FHDC1: variants seen among roughly 807,000 people sequenced by gnomAD.
FHDC1 encodes the protein FH2 domain-containing protein 1.
FHDC1 carries 25 observed loss-of-function variants against 52.6 expected under a neutral mutation model. That is an observed-to-expected ratio of 0.48 (90% CI 0.35 to 0.66). The LOEUF (loss-of-function observed/expected upper bound fraction) is 0.66, where lower values mean the gene tolerates loss of function less well. FHDC1 is among the 30% of genes least tolerant of loss of function. The pLI, the probability that FHDC1 is intolerant of heterozygous loss-of-function variation, is 0.01. For synonymous variants in FHDC1, 616 were observed against 581.5 expected, an observed-to-expected ratio of 1.06 and a Z score of -0.85; for missense variants, 1,459 against 1,452.8, an observed-to-expected ratio of 1.00 and a Z score of -0.07.
Position 152,976,217 on chromosome 4 carries a change from C to G in FHDC1, c.2926C>G (p.Gln976Glu). The G allele has an allele frequency of 6.2e-7, 1 of 1,612,978 alleles. No individual in the cohort carries two copies. The change falls in exon 12 of 12, where the codon CAG becomes GAG. Residue 976 changes from glutamine to glutamate, a missense_variant. This residue lies in a region of FHDC1 where 939 missense variants were observed against 854.5 expected (regional missense o/e 1.10). Transcript: ENST00000511601. ...CCGTCCGGGGAGGGACGTTCCCCTG[C>G]AGCCCAGGGGTTCTTTCAAGAAGCC... Reference protein sequence around the residue: ...STRPGRDVPLQPRGSFKKPSA... With the variant: ...STRPGRDVPLEPRGSFKKPSA...
At position 152,975,034 on chromosome 4, in the gene FHDC1, C is replaced by T; in HGVS notation, c.1743C>T (p.Pro581=). 1 of 1,612,604 alleles carries T rather than the reference C, an allele frequency of 6.2e-7. No homozygotes were observed. The highest frequency in any genetic ancestry group is 8.5e-7 in the Non-Finnish European group (1 of 1,179,796). The part of the protein sequence containing the change: ...LPRSSPRQAR[P]TIACLEPAEV... ...GGAGCAGCCCCCGGCAGGCCCGGCC[C>T]ACGATAGCCTGCCTGGAGCCTGCAG... is the stretch of plus-strand genomic sequence containing the variant. Residue 581 remains proline, a synonymous_variant, in exon 12 of 12, where the codon CCC becomes CCT. Coordinates refer to ENST00000511601, the MANE Select transcript of FHDC1 (RefSeq NM_001371116.1).
intron 10 of FHDC1, among the ~76,000 whole-genome samples, chr4:152,968,383 T>C (rs899983778): frequency 1.3e-5 from 2 of 152,084 alleles, no homozygotes; most frequent in East Asian, 3.9e-4. Flanking sequence ...TGGAGTATAA[T>C]GGTGCGATCT....
intron 2 of FHDC1, among the ~76,000 whole-genome samples, chr4:152,951,499 G>A (rs996708405): frequency 6.6e-6 from 1 of 152,042 alleles, no homozygotes; most frequent in African/African-American, 2.4e-5. Context: ...AAACCCCTAG[G>A]TTAGTAAATA....
the FHDC1 span, among the ~76,000 whole-genome samples, chr4:152,915,630 C>A: frequency 2.6e-5 from 4 of 152,014 alleles, no homozygotes; most frequent in Non-Finnish European, 5.9e-5. Flanking sequence ...TTTAAATAGC[C>A]GTTCTTCTGT....
Position 152,972,603 on chromosome 4 carries a change from C to G in FHDC1, c.1383+62C>G. On this transcript the variant is annotated intron_variant, in intron 11 of 11. Coordinates refer to ENST00000511601, the MANE Select transcript of FHDC1 (RefSeq NM_001371116.1). ...GATTTTTATTTTCCTTCTTCTCGAC[C>G]TAGTCATCTGCTCACCACAGAAAGG... The G allele has an allele frequency of 2.6e-6, 4 of 1,533,946 alleles. No individual in the cohort carries two copies. In the South Asian group the frequency reaches 5.2e-5, roughly 20 times the overall value.
At chr4:152,913,007 T>G in the FHDC1 span, among the ~76,000 whole-genome samples, 3 of 152,214 alleles carry the variant, frequency 2.0e-5, no homozygotes, top group African/African-American at 4.8e-5. Flanking sequence ...CACTTTTTTT[T>G]TAACAGATGA....
At chr4:152,946,163 T>A (rs1465872760) in intron 2 of FHDC1, among the ~76,000 whole-genome samples, 1 of 152,258 alleles carries the variant, frequency 6.6e-6, no homozygotes, top group Non-Finnish European at 1.5e-5. Flanking sequence ...TTTTGGCTTT[T>A]GTGAATAATG....
rs1579111076 is a variant in FHDC1, at chr4:152,977,832, T to C, written c.*1109T>C. 1.3e-5 allele frequency: 2 copies of C among 152,326 alleles called. No individual in the cohort carries two copies. Among genetic ancestry groups the C allele is most frequent in the African/African-American group, 4.8e-5 (2 of 41,570 alleles). 9.4% of individuals were successfully genotyped at this position (152,326 alleles called of 1,614,324 possible). ...GTTTCACCTGCCCACACAGGGTCCG[T>C]TGCTGGCAACTGGACTTCCCCATAA... On this transcript the variant is annotated 3_prime_UTR_variant, in exon 12 of 12. Coordinates refer to ENST00000511601, the MANE Select transcript of FHDC1 (RefSeq NM_001371116.1).
intron 4 of FHDC1, 111 bp downstream of exon 4, chr4:152,954,430 T>A: frequency 2.6e-6 from 2 of 771,862 alleles, no homozygotes; most frequent in South Asian, 1.7e-5. Context: ...CTCACACCTG[T>A]AATCCCAGCA....
At chr4:152,962,975 G>GTGTGTC in intron 7 of FHDC1, 48 bp from the exon 8 acceptor site, 1 of 1,446,050 alleles carries the variant, frequency 6.9e-7, no homozygotes, top group Non-Finnish European at 9.6e-7. Flanking sequence ...GTGTGTGTGT[G>GTGTGTC]TGTGTGTATG....
At chr4:152,944,147 T>C (rs1474489902) in intron 2 of FHDC1, among the ~76,000 whole-genome samples, 2 of 152,170 alleles carry the variant, frequency 1.3e-5, no homozygotes, top group Non-Finnish European at 2.9e-5. Flanking sequence ...AGAGAGATTG[T>C]GTAGGAAGGA....
chr4:152,938,121 G>T (rs1453330964), intron 1 of FHDC1, among the ~76,000 whole-genome samples: 1 of 151,582 alleles, frequency 6.6e-6, no homozygotes, highest in Non-Finnish European at 1.5e-5. Context: ...CTGACCCACA[G>T]TTGTCTTCCT....
rs1390967288 is a variant in FHDC1 at position 152,976,406 on chromosome 4, A to G, written c.3115A>G (p.Thr1039Ala). The G allele has an allele frequency of 6.2e-7, 1 of 1,613,766 alleles. No homozygotes were observed. Among genetic ancestry groups the G allele is most frequent in the Non-Finnish European group, 8.5e-7 (1 of 1,180,014 alleles). The change falls in exon 12 of 12, where the codon ACA (threonine) becomes GCA (alanine). Residue 1039 changes from threonine (T) to alanine (A), a missense_variant. Transcript: ENST00000511601. ...LPRVPSFARN[T>A]VASSSRSMRT... is the part of the protein sequence containing the mutation. Reference sequence around the variant, plus strand: ...CCGTGTCCCGAGCTTTGCCCGGAACACAGTGGCCTCCTCCTCTCGAAGCAT... The same window carrying G: ...CCGTGTCCCGAGCTTTGCCCGGAACGCAGTGGCCTCCTCCTCTCGAAGCAT...
At chr4:152,968,569 T>C (rs995169683) in intron 10 of FHDC1, among the ~76,000 whole-genome samples, 2 of 152,156 alleles carry the variant, frequency 1.3e-5, no homozygotes, top group Non-Finnish European at 2.9e-5. Flanking sequence ...CCTCAGGTGA[T>C]CCGCACTCAC....
At chr4:152,972,836 C>G (rs1300727823) in intron 11 of FHDC1, among the ~76,000 whole-genome samples, 7 of 152,350 alleles carry the variant, frequency 4.6e-5, no homozygotes, top group Middle Eastern at 3.4e-3. Flanking sequence ...TAGTAAAGTT[C>G]CTCCATGATG....
At chr4:152,957,766 A>T (rs913761537) in intron 4 of FHDC1, among the ~76,000 whole-genome samples, 1 of 152,144 alleles carries the variant, frequency 6.6e-6, no homozygotes, top group African/African-American at 2.4e-5. Context: ...CGTTGTTGAG[A>T]ATTTCTCTGC....
the FHDC1 span, among the ~76,000 whole-genome samples, chr4:152,913,105 C>T: frequency 2.0e-5 from 3 of 152,186 alleles, no homozygotes; most frequent in Admixed American, 1.3e-4. Flanking sequence ...CAACTATATA[C>T]TTCAATTCCC....
rs1434317393 is a variant in FHDC1 at position 152,977,442 on chromosome 4, A to C, written c.*719A>C. 6.6e-6 allele frequency: 1 copy of C among 152,008 alleles called. No homozygotes were observed. The highest frequency in any genetic ancestry group is 1.9e-4 in the East Asian group (1 of 5,178). The allele number at this position is 152,008 out of a possible 1,614,324, so 9.4% of individuals were successfully genotyped here. ...GAGTGAAATGCCTCCCAGGAAAAAA[A>C]TACATATGTATTTTTTTGCGACAGG... On this transcript the variant is annotated 3_prime_UTR_variant, in exon 12 of 12. Transcript: ENST00000511601.
At chr4:152,928,227 A>G in the FHDC1 span, 7 of 734,278 alleles carry the variant, frequency 9.5e-6, no homozygotes, top group Non-Finnish European at 1.8e-5. Flanking sequence ...GTCCTTACAC[A>G]GGGAGCTCCT....
Sources: gnomAD v4.1 joint callset for allele counts (sites outside exome capture counted in the v4.1 genomes callset) on GRCh38, gnomAD v4.1.1 for gene constraint, gnomAD v4.1.1 regional missense constraint, MANE v1.5 for transcripts, NCBI Gene and HGNC (gene_info 2026-07-23, HGNC 2026-07-21) for gene names.